The following CTBP2 variants were observed in gnomAD, a reference collection of about 807,000 sequenced individuals.
CTBP2 encodes the protein C-terminal-binding protein 2.
A neutral mutation model predicts 80.3 loss-of-function variants in CTBP2; 30 were observed. That is an observed-to-expected ratio of 0.37 (90% CI 0.28 to 0.51). CTBP2 has a LOEUF of 0.51. CTBP2 is among the 20% of genes least tolerant of loss of function. CTBP2 has a pLI of 0.93. For synonymous variants in CTBP2, 594 were observed against 587.4 expected (o/e 1.01, Z -0.16); for missense variants, 1,212 against 1,375.3 (o/e 0.88, Z 1.88).
intron 2 of CTBP2, among the ~76,000 whole-genome samples, chr10:125,097,555 T>C (rs1187380082): frequency 6.6e-6 from 1 of 152,112 alleles, no homozygotes; most frequent in Non-Finnish European, 1.5e-5. Flanking sequence ...GGAAGCCTGT[T>C]CTCTGTCCCG....
At chr10:125,145,542 T>A (rs1858611197) in intron 1 of CTBP2, among the ~76,000 whole-genome samples, 1 of 152,144 alleles carries the variant, frequency 6.6e-6, no homozygotes, top group African/African-American at 2.4e-5. Flanking sequence ...TGCTAGCACT[T>A]ATCTGCTCCC....
chr10:125,041,506 C>A (rs1959765991), intron 2 of CTBP2, among the ~76,000 whole-genome samples: 30 of 10,892 alleles, frequency 2.8e-3, no homozygotes, highest in African/African-American at 1.8e-3. Flanking sequence ...CCATCCCCAC[C>A]CCCCCCCCCC....
At chr10:125,006,547 G>A (rs1955265620) in intron 1 of CTBP2, among the ~76,000 whole-genome samples, 1 of 152,346 alleles carries the variant, frequency 6.6e-6, no homozygotes, top group East Asian at 1.9e-4. Context: ...CTGCCCTACA[G>A]GCTTGCTGGA....
At chr10:125,058,056 T>TG (rs1464484562) in intron 2 of CTBP2, among the ~76,000 whole-genome samples, 1 of 152,032 alleles carries the variant, frequency 6.6e-6, no homozygotes, top group Non-Finnish European at 1.5e-5. Flanking sequence ...ATTTCTAACT[T>TG]GGAGGCCTCT....
chr10:125,092,948 G>A (rs1460983299), intron 2 of CTBP2, among the ~76,000 whole-genome samples: 5 of 152,082 alleles, frequency 3.3e-5, no homozygotes, highest in Non-Finnish European at 7.4e-5. Context: ...TGAGTTTAAC[G>A]GTGGCCCATG....
chr10:124,988,067 T>TG lies in CTBP2; in HGVS notation c.*1450dup, dbSNP rs1442854968. ...CAGAACTCTAAAAGTTGAGCAACTTTGTTTTTTTTTGAATTGATTTAGCAC... is the reference window on the plus strand; with the variant it reads ...CAGAACTCTAAAAGTTGAGCAACTTTGGTTTTTTTTTGAATTGATTTAGCAC... On this transcript the variant is annotated 3_prime_UTR_variant, in exon 9 of 9. Coordinates refer to ENST00000309035, the MANE Select transcript of CTBP2 (RefSeq NM_022802.3). 2 of 146,082 alleles carry TG rather than the reference T, an allele frequency of 1.4e-5. No individual in the cohort carries two copies. The highest frequency in any genetic ancestry group is 3.0e-5 in the Non-Finnish European group (2 of 66,588). 9.0% of individuals were successfully genotyped at this position (146,082 alleles called of 1,614,324 possible). A position where few individuals can be genotyped will look rare whatever the true frequency, so the allele number is the denominator to read the frequency against.
chr10:125,070,069 G>A lies in CTBP2; in HGVS notation c.-101-30914C>T, dbSNP rs569833572. On this transcript the variant is annotated intron_variant, in intron 2 of 10. Transcript: ENST00000337195. ...TTAATTGTAACAAATGCATCATACC[G>A]GCTGGGCACGGGTGGCTCAGGCCTG... Among the ~76,000 whole-genome samples the A allele has an allele frequency of 5.3e-5, 8 of 151,740 alleles. No individual in the cohort carries two copies. The East Asian group carries it at 1.4e-3, about 26-fold the overall frequency.
At chr10:124,990,947 C>A (rs1160401922) in intron 8 of CTBP2, among the ~76,000 whole-genome samples, 1 of 152,258 alleles carries the variant, frequency 6.6e-6, no homozygotes, top group Non-Finnish European at 1.5e-5. Flanking sequence ...TTACAAGCCA[C>A]CCAGTCTATG....
At chr10:125,053,060 T>C (rs747570380) in intron 2 of CTBP2, among the ~76,000 whole-genome samples, 4 of 151,844 alleles carry the variant, frequency 2.6e-5, no homozygotes, top group Non-Finnish European at 4.4e-5. Context: ...CACAGAACTT[T>C]AGGAGTACAA....
chr10:125,002,849 C>G, intron 3 of CTBP2, 111 bp downstream of exon 5: 1 of 1,374,452 alleles, frequency 7.3e-7, no homozygotes, highest in Middle Eastern at 2.6e-4. Flanking sequence ...CTTGCTACAG[C>G]CAGAAGCGGC....
Position 124,994,479 on chromosome 10 carries a change from G to C in CTBP2, c.2390C>G (p.Thr797Ser). 6.2e-7 allele frequency: 1 copy of C among 1,613,904 alleles called. No homozygotes were observed. Among genetic ancestry groups the C allele is most frequent in the Non-Finnish European group, 8.5e-7 (1 of 1,179,828 alleles). Residue 797 changes from threonine to serine, a missense_variant, in exon 5 of 9, where the codon ACC becomes AGC. Thr to Ser is a moderately conservative substitution (Grantham distance 58). Coordinates refer to ENST00000309035, the MANE Select transcript of CTBP2 (RefSeq NM_022802.3). Reference sequence around the variant, plus strand: ...CTATTTTCAAATTACCTGCTTTATGGTAAAGTCATTGATGAGGTGGTGGTT... The same window carrying C: ...CTATTTTCAAATTACCTGCTTTATGCTAAAGTCATTGATGAGGTGGTGGTT...
At position 124,984,873 on chromosome 10, in the gene CTBP2, C is replaced by T. The variant is rs189374953; in HGVS notation, c.*4645G>A. 7.9e-5 allele frequency: 128 copies of T among 1,613,798 alleles called. No individual in the cohort carries two copies. Among genetic ancestry groups the T allele is most frequent in the Non-Finnish European group, 1.0e-4 (120 of 1,179,982 alleles). On this transcript the variant is annotated 3_prime_UTR_variant, in exon 9 of 9. Transcript: ENST00000309035. ...GGTTGCCATGCAGAAGAGTTCTCGGCGGCGAAATCACCCCCTGGTCACTCA... is the reference window on the plus strand; with the variant it reads ...GGTTGCCATGCAGAAGAGTTCTCGGTGGCGAAATCACCCCCTGGTCACTCA...
chr10:125,079,254 C>T (rs1046881567), intron 2 of CTBP2, among the ~76,000 whole-genome samples: 1 of 152,128 alleles, frequency 6.6e-6, no homozygotes. Context: ...CCATGTGTGA[C>T]GCTCCTGCTC....
intron 2 of CTBP2, among the ~76,000 whole-genome samples, chr10:125,082,929 G>A (rs972423026): frequency 3.3e-5 from 5 of 152,054 alleles, no homozygotes; most frequent in African/African-American, 4.8e-5. Context: ...AGCAGGCCTC[G>A]GCATTACCTT....
At chr10:125,003,263 C>T (rs950209915) in intron 2 of CTBP2, 75 bp downstream of exon 4, 62 of 1,587,778 alleles carry the variant, frequency 3.9e-5, no homozygotes, top group Admixed American at 9.2e-5. Context: ...TGACTTGGGG[C>T]GATCTAATGG....
At chr10:125,072,783 C>T (rs939455987) in intron 2 of CTBP2, among the ~76,000 whole-genome samples, 8 of 152,130 alleles carry the variant, frequency 5.3e-5, no homozygotes, top group Non-Finnish European at 1.0e-4. Flanking sequence ...CCTGCAGGTC[C>T]CTGGAGCACA....
At chr10:125,003,577 A>G in intron 1 of CTBP2, 85 bp from the exon 4 acceptor site, 1 of 1,155,660 alleles carries the variant, frequency 8.7e-7, no homozygotes, top group Non-Finnish European at 1.2e-6. Flanking sequence ...CTCATCACTC[A>G]GGGCAGGGCT....
chr10:125,124,695 A>C (rs921251516), intron 1 of CTBP2, among the ~76,000 whole-genome samples: 16 of 152,246 alleles, frequency 1.1e-4, no homozygotes, highest in African/African-American at 3.9e-4. Context: ...CATACATTAA[A>C]TATATAATTT....
intron 2 of CTBP2, among the ~76,000 whole-genome samples, chr10:125,055,819 AAGG>A (rs1963779248): frequency 6.6e-6 from 1 of 152,340 alleles, no homozygotes; most frequent in African/African-American, 2.4e-5. Context: ...GGACTGTGGG[AAGG>A]AGGAGGCTCC....
Sources: gnomAD v4.1 joint callset for allele counts (sites outside exome capture counted in the v4.1 genomes callset) on GRCh38, gnomAD v4.1.1 for gene constraint, MANE v1.5 for transcripts, NCBI Gene and HGNC (gene_info 2026-07-23, HGNC 2026-07-21) for gene names.